WNT2: variants seen among roughly 807,000 people sequenced by gnomAD.
The protein encoded by WNT2 is Wnt family member 2.
In WNT2, 12 loss-of-function variants were observed where a neutral mutation model predicts 36.9. The ratio of observed to expected loss-of-function variants is 0.33; its 90% CI spans 0.21 to 0.53. The LOEUF (loss-of-function observed/expected upper bound fraction) is 0.53, where lower values mean the gene tolerates loss of function less well. WNT2 is among the 20% of genes least tolerant of loss of function. The pLI, the probability that WNT2 is intolerant of heterozygous loss-of-function variation, is 0.95. For synonymous variants in WNT2, 163 were observed against 174.6 expected, an observed-to-expected ratio of 0.93 and a Z score of 0.52; for missense variants, 379 against 473.1, an observed-to-expected ratio of 0.80 and a Z score of 1.84.
intron 4 of WNT2, among the ~76,000 whole-genome samples, chr7:117,297,006 G>A (rs1323133607): frequency 3.3e-5 from 5 of 152,192 alleles, no homozygotes; most frequent in Non-Finnish European, 2.9e-5. Flanking sequence ...ACAGTGGTGG[G>A]ATTTAATGTA....
rs2116315893 is a variant in WNT2 at position 117,276,527 on chromosome 7, G to C, written c.*1628C>G. ...TTCTGACATTTTTAAGAGGGCTGGAGGCAAATGTTAACTATGGCAAAGTAC... is the reference window on the plus strand; with the variant it reads ...TTCTGACATTTTTAAGAGGGCTGGACGCAAATGTTAACTATGGCAAAGTAC... On this transcript the variant is annotated 3_prime_UTR_variant, in exon 5 of 5. Coordinates refer to ENST00000265441, the MANE Select transcript of WNT2 (RefSeq NM_003391.3). 6.6e-6 allele frequency: 1 copy of C among 152,310 alleles called. No homozygotes were observed. The highest frequency in any genetic ancestry group is 2.1e-4 in the South Asian group (1 of 4,824). 9.4% of individuals were successfully genotyped at this position (152,310 alleles called of 1,614,324 possible).
At position 117,278,024 on chromosome 7, in the gene WNT2, G is replaced by T; in HGVS notation, c.*131C>A. ...TCCTGGGGCCCCCAGGGAGGAAGAG[G>T]GGGCTTCCGTTGAGATAAAGGCCAC... On this transcript the variant is annotated 3_prime_UTR_variant, in exon 5 of 5. Transcript: ENST00000265441. The T allele has an allele frequency of 9.6e-7, 1 of 1,043,170 alleles. No homozygotes were observed. The allele number at this position is 1,043,170 out of a possible 1,614,324, so 64.6% of individuals were successfully genotyped here.
At chr7:117,306,734 C>A (rs748926378) in intron 3 of WNT2, among the ~76,000 whole-genome samples, 1 of 152,190 alleles carries the variant, frequency 6.6e-6, no homozygotes, top group Non-Finnish European at 1.5e-5. Context: ...TCCCCATGTG[C>A]CTTAATCCCA....
chr7:117,286,125 TA>T (rs571559518), intron 4 of WNT2, among the ~76,000 whole-genome samples: 1 of 151,896 alleles, frequency 6.6e-6, no homozygotes, highest in Non-Finnish European at 1.5e-5. Flanking sequence ...TGCATAAGAT[TA>T]AAAAAAAGGA....
chr7:117,306,491 A>G (rs1795016830), intron 3 of WNT2, among the ~76,000 whole-genome samples: 1 of 152,260 alleles, frequency 6.6e-6, no homozygotes, highest in South Asian at 2.1e-4. Context: ...AGCTTCCTTC[A>G]GAACCTCAAG....
chr7:117,304,715 C>A (rs1407078206), intron 3 of WNT2, among the ~76,000 whole-genome samples: 2 of 152,196 alleles, frequency 1.3e-5, no homozygotes, highest in African/African-American at 4.8e-5. Flanking sequence ...GGATTACAGG[C>A]GTGAGCCACC....
Position 117,280,208 on chromosome 7 carries a change from G to A in WNT2, c.854-1824C>T, listed in dbSNP as rs748696913. On this transcript the variant is annotated intron_variant, in intron 4 of 4. Transcript: ENST00000265441. ...CCAGGGATGGCTCCGAGCCTGCATC[G>A]TGCTGAAGAAGCATGGGGTTAGAAG... Among the ~76,000 whole-genome samples, 5 of 152,186 alleles carry A rather than the reference G, an allele frequency of 3.3e-5. No individual in the cohort carries two copies. The East Asian group carries it at 5.8e-4, about 18-fold the overall frequency.
chr7:117,315,472 G>T, intron 2 of WNT2, 124 bp from the exon 3 acceptor site: 1 of 1,010,552 alleles, frequency 9.9e-7, no homozygotes, highest in Non-Finnish European at 1.4e-6. Context: ...ACAAGGTACT[G>T]ATATTCTTGA....
At position 117,288,261 on chromosome 7, in the gene WNT2, A is replaced by C. The variant is rs934612042; in HGVS notation, c.853+9351T>G. ...GCAAACTTAATTAAACTTAATAATT[A>C]ATTCATTCACTTACTGAATCAAAGG... On this transcript the variant is annotated intron_variant, in intron 4 of 4. Transcript: ENST00000265441. Among the ~76,000 whole-genome samples the C allele has an allele frequency of 3.3e-5, 5 of 152,352 alleles. No individual in the cohort carries two copies. In the East Asian group the frequency reaches 9.6e-4, roughly 29 times the overall value.
intron 2 of WNT2, among the ~76,000 whole-genome samples, chr7:117,316,951 T>C (rs1460709858): frequency 6.6e-6 from 1 of 152,236 alleles, no homozygotes; most frequent in Non-Finnish European, 1.5e-5. Context: ...TAATCTCAGA[T>C]AGTGGCTTTC....
intron 4 of WNT2, 58 bp from the exon 5 acceptor site, chr7:117,278,442 C>T (rs918520602): frequency 5.9e-6 from 9 of 1,516,496 alleles, no homozygotes; most frequent in African/African-American, 2.7e-5. Flanking sequence ...CAATATGCCT[C>T]CAGAGGAGGA....
chr7:117,304,432 ATT>A (rs3034483), intron 3 of WNT2, among the ~76,000 whole-genome samples: 5,337 of 116,898 alleles, frequency 0.046, 238 homozygotes, highest in African/African-American at 0.15. Context: ...TCTCCTCCAC[ATT>A]TTTTTTTTTT....
intron 4 of WNT2, among the ~76,000 whole-genome samples, chr7:117,290,180 T>C (rs1584679307): frequency 6.6e-6 from 1 of 152,096 alleles, no homozygotes; most frequent in African/African-American, 2.4e-5. Context: ...TTTAAAACCA[T>C]AGGAATGGAG....
chr7:117,296,230 A>G (rs1794787210), intron 4 of WNT2, among the ~76,000 whole-genome samples: 1 of 152,208 alleles, frequency 6.6e-6, no homozygotes, highest in Non-Finnish European at 1.5e-5. Flanking sequence ...TAGAGGTCCC[A>G]AAGCATGTCA....
intron 2 of WNT2, among the ~76,000 whole-genome samples, chr7:117,320,050 C>T (rs39314): frequency 6.6e-6 from 1 of 152,034 alleles, no homozygotes; most frequent in African/African-American, 2.4e-5. Flanking sequence ...CACAGAGGCA[C>T]CAAGGCTGAG....
chr7:117,300,633 C>T (rs1794887096), intron 3 of WNT2, among the ~76,000 whole-genome samples: 1 of 152,008 alleles, frequency 6.6e-6, no homozygotes, highest in Admixed American at 6.6e-5. Context: ...GACCCTGTTT[C>T]TACAAAAAAA....
At chr7:117,315,441 G>C in intron 2 of WNT2, 93 bp from the exon 3 acceptor site, 1 of 1,341,012 alleles carries the variant, frequency 7.5e-7, no homozygotes, top group South Asian at 1.5e-5. Context: ...CTCTGTTTCA[G>C]ACAACCTTTG....
At chr7:117,292,288 CA>C (rs1332107584) in intron 4 of WNT2, among the ~76,000 whole-genome samples, 1 of 150,468 alleles carries the variant, frequency 6.6e-6, no homozygotes, top group African/African-American at 2.5e-5. Context: ...TACTCCCAAC[CA>C]CACTCACACA....
intron 4 of WNT2, among the ~76,000 whole-genome samples, chr7:117,282,735 G>T (rs1368630403): frequency 6.6e-6 from 1 of 152,166 alleles, no homozygotes; most frequent in Non-Finnish European, 1.5e-5. Context: ...TCACACAAAA[G>T]GGCAACATGT....
Sources: allele counts gnomAD v4.1 joint callset (sites outside exome capture counted in the v4.1 genomes callset), GRCh38; gene constraint gnomAD v4.1.1; transcripts MANE v1.5; gene names NCBI Gene and HGNC (gene_info 2026-07-23, HGNC 2026-07-21).